PPARGC1A: variants seen among roughly 807,000 people sequenced by gnomAD.
The protein encoded by PPARGC1A is PPARG coactivator 1 alpha.
PPARGC1A carries 25 observed loss-of-function variants against 88.7 expected under a neutral mutation model. The observed-to-expected ratio is 0.28, with a 90% CI of 0.21 to 0.39. PPARGC1A has a LOEUF of 0.39. Ranked by LOEUF, PPARGC1A falls within the 10% of genes least tolerant of loss-of-function variation. PPARGC1A has a pLI of 1.00. For missense variants in PPARGC1A, 880 were observed against 968.7 expected, an observed-to-expected ratio of 0.91 and a Z score of 1.22; for synonymous variants, 363 against 355.6, an observed-to-expected ratio of 1.02 and a Z score of -0.24.
the PPARGC1A span, among the ~76,000 whole-genome samples, chr4:24,250,749 T>C: frequency 1.3e-5 from 2 of 152,182 alleles, no homozygotes; most frequent in African/African-American, 4.8e-5. Flanking sequence ...CCCTTTGCAA[T>C]AGAATGCAGG....
chr4:23,808,815 G>A (rs890751246), intron 10 of PPARGC1A, among the ~76,000 whole-genome samples: 2 of 152,078 alleles, frequency 1.3e-5, no homozygotes, highest in Non-Finnish European at 2.9e-5. Context: ...TAGGATTTTA[G>A]AAACATAAGC....
chr4:24,458,268 G>T, the PPARGC1A span, among the ~76,000 whole-genome samples: 1 of 152,188 alleles, frequency 6.6e-6, no homozygotes, highest in African/African-American at 2.4e-5. Flanking sequence ...TGGAGGCTGA[G>T]GCAGGTGGAT....
the PPARGC1A span, among the ~76,000 whole-genome samples, chr4:24,051,753 T>C: frequency 1.3e-5 from 2 of 152,212 alleles, no homozygotes; most frequent in African/African-American, 4.8e-5. Flanking sequence ...GAAATTAGTG[T>C]GGCTTAAATA....
chr4:24,081,163 T>C, the PPARGC1A span, among the ~76,000 whole-genome samples: 1 of 152,168 alleles, frequency 6.6e-6, no homozygotes, highest in East Asian at 1.9e-4. Context: ...AAAATGCATC[T>C]AAGAGTTTTG....
intron 1 of PPARGC1A, among the ~76,000 whole-genome samples, chr4:23,898,834 ATT>A (rs34953632): frequency 0.44 from 59,122 of 133,146 alleles, 12,544 homozygotes; most frequent in Middle Eastern, 0.55. Flanking sequence ...TGAGGTGGGT[ATT>A]TTTTTTTTTT....
chr4:24,362,035 A>G, the PPARGC1A span, among the ~76,000 whole-genome samples: 2 of 152,252 alleles, frequency 1.3e-5, no homozygotes, highest in African/African-American at 2.4e-5. Flanking sequence ...TAAAACCTTA[A>G]GAAGAGCAAG....
upstream of PPARGC1A, among the ~76,000 whole-genome samples, chr4:23,899,861 G>T (rs1719081140): frequency 6.6e-6 from 1 of 151,966 alleles, no homozygotes; most frequent in Non-Finnish European, 1.5e-5. Flanking sequence ...TGGTTACATG[G>T]GTACATTGTT....
chr4:23,811,271 A>G (rs528025184), intron 10 of PPARGC1A, among the ~76,000 whole-genome samples: 3 of 152,306 alleles, frequency 2.0e-5, no homozygotes, highest in African/African-American at 7.2e-5. Context: ...CTTTTGCAAA[A>G]TTGTGTTGAT....
chr4:23,939,298 ATGTT>A, the PPARGC1A span, among the ~76,000 whole-genome samples: 6 of 152,122 alleles, frequency 3.9e-5, no homozygotes, highest in East Asian at 1.9e-4. Flanking sequence ...GTTTTAAAAT[ATGTT>A]TGTTTGTTTT....
the PPARGC1A span, among the ~76,000 whole-genome samples, chr4:24,209,877 A>C: frequency 6.6e-6 from 1 of 152,262 alleles, no homozygotes; most frequent in Admixed American, 6.5e-5. Context: ...GCACATAATC[A>C]GAGAATGCTG....
chr4:24,037,189 T>C, the PPARGC1A span, among the ~76,000 whole-genome samples: 1 of 152,234 alleles, frequency 6.6e-6, no homozygotes, highest in Non-Finnish European at 1.5e-5. Context: ...TTTACTAACC[T>C]TGGCAATATT....
chr4:24,247,678 G>C, the PPARGC1A span, among the ~76,000 whole-genome samples: 1 of 152,180 alleles, frequency 6.6e-6, no homozygotes, highest in South Asian at 2.1e-4. Flanking sequence ...GGATTGGCTG[G>C]GTAAGTGTAT....
At chr4:24,204,111 C>T in the PPARGC1A span, among the ~76,000 whole-genome samples, 1 of 152,110 alleles carries the variant, frequency 6.6e-6, no homozygotes, top group Non-Finnish European at 1.5e-5. Flanking sequence ...CTTGCACAAT[C>T]AGCCAGCTGA....
chr4:24,295,408 T>C, the PPARGC1A span, among the ~76,000 whole-genome samples: 1 of 152,088 alleles, frequency 6.6e-6, no homozygotes, highest in Non-Finnish European at 1.5e-5. Context: ...GTTCATCTGA[T>C]GAAAGGGATT....
rs982039967 is a variant in PPARGC1A at position 23,795,659 on chromosome 4, T to A, written c.*163A>T. ...TTCATGTAAACCATTGTTGTTATTG[T>A]TGTTGTTGTTCTTGTTGTATTGTTG... is the stretch of plus-strand genomic sequence containing the variant. On this transcript the variant is annotated 3_prime_UTR_variant, in exon 13 of 13. Coordinates refer to ENST00000264867, the MANE Select transcript of PPARGC1A (RefSeq NM_013261.5). 2.6e-5 allele frequency: 15 copies of A among 566,454 alleles called. No homozygotes were observed. Among genetic ancestry groups the A allele is most frequent in the Non-Finnish European group, 4.0e-5 (13 of 324,404 alleles). 35.1% of individuals were successfully genotyped at this position (566,454 alleles called of 1,614,324 possible). A position where few individuals can be genotyped will look rare whatever the true frequency, so the allele number is the denominator to read the frequency against.
At chr4:24,353,054 G>A in the PPARGC1A span, among the ~76,000 whole-genome samples, 1 of 152,142 alleles carries the variant, frequency 6.6e-6, no homozygotes, top group African/African-American at 2.4e-5. Context: ...ATTGAATGGC[G>A]GGTGGAGGAT....
chr4:24,422,688 C>G, the PPARGC1A span, among the ~76,000 whole-genome samples: 2 of 151,468 alleles, frequency 1.3e-5, no homozygotes, highest in Non-Finnish European at 2.9e-5. Context: ...AAGGCAAGCC[C>G]TTCTTAATAA....
the PPARGC1A span, among the ~76,000 whole-genome samples, chr4:24,311,397 G>A: frequency 4.7e-5 from 7 of 149,404 alleles, no homozygotes; most frequent in Admixed American, 2.0e-4. Flanking sequence ...CACCATGCCC[G>A]GTCTTGGCCG....
chr4:24,169,522 G>C, the PPARGC1A span, among the ~76,000 whole-genome samples: 1 of 151,810 alleles, frequency 6.6e-6, no homozygotes, highest in Admixed American at 6.6e-5. Flanking sequence ...TATCTTTGCA[G>C]TTTTTCTGTA....
Sources: gnomAD v4.1 joint callset for allele counts (sites outside exome capture counted in the v4.1 genomes callset) on GRCh38, gnomAD v4.1.1 for gene constraint, MANE v1.5 for transcripts, NCBI Gene and HGNC (gene_info 2026-07-23, HGNC 2026-07-21) for gene names.